The following KIAA1217 variants were observed in gnomAD, a reference collection of about 807,000 sequenced individuals.
KIAA1217 encodes KIAA1217, also known as sickle tail protein homolog.
KIAA1217 carries 88 observed loss-of-function variants against 163.9 expected under a neutral mutation model. That is an observed-to-expected ratio of 0.54 (90% confidence interval 0.45 to 0.64). KIAA1217 has a LOEUF of 0.64. KIAA1217 is among the 30% of genes least tolerant of loss of function. The probability of loss-of-function intolerance (pLI) is 0.00; values close to 1 mark genes in which losing one functional copy is unlikely to be tolerated. For missense variants in KIAA1217, 2,372 were observed against 2,475.0 expected (o/e 0.96, Z 0.88); for synonymous variants, 903 against 923.1 (o/e 0.98, Z 0.39).
chr10:23,964,149 G>T (rs1430738171), intron 1 of KIAA1217, among the ~76,000 whole-genome samples: 1 of 151,818 alleles, frequency 6.6e-6, no homozygotes, highest in Non-Finnish European at 1.5e-5. Flanking sequence ...TGATCCACCC[G>T]CCTCAGCCTC....
intron 2 of KIAA1217, among the ~76,000 whole-genome samples, chr10:24,173,200 A>T (rs905008535): frequency 1.3e-5 from 2 of 152,124 alleles, no homozygotes; most frequent in African/African-American, 4.8e-5. Context: ...CATTTGAGGG[A>T]TGTAAGTTGC....
intron 2 of KIAA1217, among the ~76,000 whole-genome samples, chr10:24,374,390 G>A (rs1052090271): frequency 5.9e-5 from 9 of 152,138 alleles, no homozygotes; most frequent in African/African-American, 1.9e-4. Flanking sequence ...CTAAACACTC[G>A]ATTTTGTGTG....
chr10:23,806,421 T>A (rs947147365), intron 1 of KIAA1217, among the ~76,000 whole-genome samples: 3 of 152,242 alleles, frequency 2.0e-5, no homozygotes, highest in Non-Finnish European at 4.4e-5. Context: ...AACTAGAGAT[T>A]GAGGAAGTCA....
intron 1 of KIAA1217, among the ~76,000 whole-genome samples, chr10:23,783,644 T>C (rs1030581004): frequency 6.6e-6 from 1 of 152,158 alleles, no homozygotes; most frequent in Non-Finnish European, 1.5e-5. Flanking sequence ...GTATTAATTT[T>C]TCTTTGAGTG....
rs118167115 is a variant in KIAA1217 at position 24,460,975 on chromosome 10, G to T, written c.847-12253G>T. ...AGGCTGTGAGAAAGGAGTTATTACA[G>T]AAACAGACATCCTGGGATTTGAGTA... On this transcript the variant is annotated intron_variant, in intron 5 of 20. Transcript: ENST00000376454. 7.7e-3 allele frequency among the ~76,000 whole-genome samples: 1,177 copies of T among 152,312 alleles called. 11 individuals carry two copies. The highest frequency in any genetic ancestry group is 0.044 in the Middle Eastern group (13 of 294).
chr10:24,195,480 G>A (rs1240733258), intron 2 of KIAA1217, among the ~76,000 whole-genome samples: 3 of 152,158 alleles, frequency 2.0e-5, no homozygotes, highest in African/African-American at 4.8e-5. Flanking sequence ...AACCTGCCCT[G>A]TCTCGAAGGT....
chr10:23,725,813 G>T (rs1357070930), intron 1 of KIAA1217, among the ~76,000 whole-genome samples: 2 of 152,104 alleles, frequency 1.3e-5, no homozygotes, highest in Non-Finnish European at 2.9e-5. Flanking sequence ...GAGCACAATT[G>T]GTTTTTCCAA....
At chr10:23,840,548 T>C (rs1334720179) in intron 1 of KIAA1217, among the ~76,000 whole-genome samples, 1 of 152,176 alleles carries the variant, frequency 6.6e-6, no homozygotes, top group East Asian at 1.9e-4. Flanking sequence ...CAACTTAATA[T>C]GGAAGTCTAT....
intron 1 of KIAA1217, among the ~76,000 whole-genome samples, chr10:23,993,441 A>C (rs914240273): frequency 6.6e-6 from 1 of 151,562 alleles, no homozygotes; most frequent in Admixed American, 6.6e-5. Context: ...TAGTCCCCTC[A>C]TCCTAATCAG....
chr10:24,441,228 A>T (rs1208516156), intron 5 of KIAA1217, among the ~76,000 whole-genome samples: 1 of 152,130 alleles, frequency 6.6e-6, no homozygotes, highest in Non-Finnish European at 1.5e-5. Context: ...CCTGCCCCTG[A>T]TGTCATTAGA....
intron 1 of KIAA1217, among the ~76,000 whole-genome samples, chr10:23,913,711 GA>G (rs1434174981): frequency 6.6e-6 from 1 of 152,050 alleles, no homozygotes; most frequent in Non-Finnish European, 1.5e-5. Context: ...CCCTAAGAGA[GA>G]AAAAACATCA....
intron 2 of KIAA1217, among the ~76,000 whole-genome samples, chr10:24,038,075 G>A (rs140168744): frequency 1.3e-5 from 2 of 152,052 alleles, no homozygotes; most frequent in Non-Finnish European, 2.9e-5. Flanking sequence ...AGGGTTTTTT[G>A]TTGGGCAGGC....
At chr10:24,494,448 A>T in intron 6 of KIAA1217, 52 bp from the exon 7 acceptor site, 1 of 1,482,644 alleles carries the variant, frequency 6.7e-7, no homozygotes, top group South Asian at 1.1e-5. Flanking sequence ...CACCCGGACA[A>T]ACTGGTTTGA....
rs987852570 is a variant in KIAA1217, at chr10:24,395,429, C to T, written c.553+14362C>T. ...TCCCACACCAGTGTCCTGCCCTTCT[C>T]CTGCCCCAGGGACACTCTGGCTCCA... On this transcript the variant is annotated intron_variant, in intron 3 of 20. Transcript: ENST00000376454. Among the ~76,000 whole-genome samples the T allele has an allele frequency of 5.3e-5, 8 of 152,348 alleles. No homozygotes were observed. The East Asian group carries it at 7.7e-4, about 15-fold the overall frequency.
intron 1 of KIAA1217, among the ~76,000 whole-genome samples, chr10:23,780,516 C>T (rs1232823806): frequency 1.3e-5 from 2 of 152,216 alleles, no homozygotes; most frequent in African/African-American, 2.4e-5. Flanking sequence ...TGACTTATTT[C>T]ATTTAGGCTG....
intron 1 of KIAA1217, among the ~76,000 whole-genome samples, chr10:23,739,955 T>C (rs1321351508): frequency 6.6e-6 from 1 of 152,114 alleles, no homozygotes. Context: ...CCAAGGATAT[T>C]TGCCTGGGAA....
intron 2 of KIAA1217, among the ~76,000 whole-genome samples, chr10:24,308,342 G>A (rs895586310): frequency 1.3e-5 from 2 of 152,206 alleles, no homozygotes; most frequent in Admixed American, 6.5e-5. Flanking sequence ...TGGCTAGACC[G>A]TCAACAGTTA....
intron 3 of KIAA1217, among the ~76,000 whole-genome samples, chr10:24,426,851 C>T (rs1031673788): frequency 6.6e-6 from 1 of 152,070 alleles, no homozygotes; most frequent in African/African-American, 2.4e-5. Flanking sequence ...GGTGCCCTAG[C>T]AAAGTGGGAC....
intron 2 of KIAA1217, among the ~76,000 whole-genome samples, chr10:24,131,957 A>G (rs966451372): frequency 1.3e-5 from 2 of 152,244 alleles, no homozygotes; most frequent in African/African-American, 2.4e-5. Flanking sequence ...TTCTCACTAT[A>G]AAAGTGTGGT....
Sources: gnomAD v4.1 joint callset for allele counts (sites outside exome capture counted in the v4.1 genomes callset) on GRCh38, gnomAD v4.1.1 for gene constraint, MANE v1.5 for transcripts, NCBI Gene and HGNC (gene_info 2026-07-23, HGNC 2026-07-21) for gene names.